Variants in MUC3A observed in about 807,000 individuals in gnomAD.
MUC3A encodes the protein mucin-3A.
In MUC3A, 109 loss-of-function variants were observed where a neutral mutation model predicts 109.0. That is an observed-to-expected ratio of 1.00 (90% CI 0.86 to 1.17). The LOEUF (loss-of-function observed/expected upper bound fraction) is 1.17, where lower values mean the gene tolerates loss of function less well. Ranked by LOEUF, MUC3A falls within the 50% of genes most tolerant of loss-of-function variation. The pLI is 0.00. For missense variants in MUC3A, 3,537 were observed against 2,469.4 expected (o/e 1.43, Z -9.16); for synonymous variants, 1,398 against 981.4 (o/e 1.42, Z -7.93).
chr7:100,952,111 A>G lies in MUC3A; in HGVS notation c.332A>G (p.Lys111Arg), dbSNP rs1164291843. 3.8e-6 allele frequency: 6 copies of G among 1,598,626 alleles called. No individual in the cohort carries two copies. Among genetic ancestry groups the G allele is most frequent in the Non-Finnish European group, 5.1e-6 (6 of 1,179,822 alleles). Reference sequence around the variant, plus strand: ...ACCCCGACGTCCAAGTTTGCCTTCAAGGTTGAAACCACTCCACCCACCGTG... The same window carrying G: ...ACCCCGACGTCCAAGTTTGCCTTCAGGGTTGAAACCACTCCACCCACCGTG... ...STTPTSKFAFKVETTPPTVLV... is the reference protein window; with the variant it reads ...STTPTSKFAFRVETTPPTVLV... The change falls in exon 2 of 12, where the codon AAG becomes AGG. Residue 111 changes from lysine (K) to arginine (R), a missense_variant. Coordinates refer to ENST00000379458, the MANE Select transcript of MUC3A (RefSeq NM_005960.2).
At chr7:100,964,089 G>T (rs1792438161) in intron 5 of MUC3A, 3 of 487,914 alleles carry the variant, frequency 6.1e-6, no homozygotes, top group Non-Finnish European at 1.1e-5. Flanking sequence ...AAGAGAGAGA[G>T]GGAGAGAACG....
intron 3 of MUC3A, 124 bp from the exon 4 acceptor site, chr7:100,963,027 G>T (rs1173017601): frequency 4.7e-6 from 5 of 1,060,308 alleles, no homozygotes; most frequent in Non-Finnish European, 6.9e-6. Flanking sequence ...CTGCCTCTGG[G>T]CATCAGTCCT....
chr7:100,964,533 GA>G, intron 5 of MUC3A, 161 bp from the exon 6 acceptor site: 3 of 1,210,450 alleles, frequency 2.5e-6, no homozygotes, highest in Admixed American at 5.6e-5. Context: ...ACCAAGTCAG[GA>G]ATGCTGGCAG....
At position 100,959,650 on chromosome 7, in the gene MUC3A, T is replaced by C. The variant is rs766489756; in HGVS notation, c.7871T>C (p.Val2624Ala). The change falls in exon 2 of 12, where the codon GTG becomes GCG. Residue 2624 changes from valine to alanine, a missense_variant. By Grantham distance (64) the Val-to-Ala change is moderately conservative. Coordinates refer to ENST00000379458, the MANE Select transcript of MUC3A (RefSeq NM_005960.2). ...LTPSTALSTI[V>A]STSQVPIPST... ...CCATCAACAGCCTTGAGCACGATCG[T>C]GTCAACATCACAGGTTCCTATTCCT... 2.9e-5 allele frequency: 46 copies of C among 1,598,394 alleles called. No individual in the cohort carries two copies. The highest frequency in any genetic ancestry group is 3.6e-5 in the Non-Finnish European group (43 of 1,179,794).
In MUC3A at chr7:100,951,826, C is replaced by T. The variant is rs1262070533; in HGVS notation, c.62-15C>T. On this transcript the variant is annotated splice_polypyrimidine_tract_variant and intron_variant, in intron 1 of 11. Transcript: ENST00000379458. Reference sequence around the variant, plus strand: ...GGATTTACCAGTGGATTCCTCTGCTCTGCCGCCAATGCAGGAACTTTATCC... The same window carrying T: ...GGATTTACCAGTGGATTCCTCTGCTTTGCCGCCAATGCAGGAACTTTATCC... 1.3e-6 allele frequency: 2 copies of T among 1,594,116 alleles called. No individual in the cohort carries two copies. Among genetic ancestry groups the T allele is most frequent in the African/African-American group, 1.3e-5 (1 of 75,008 alleles).
chr7:100,953,080 T>C lies in MUC3A; in HGVS notation c.1301T>C (p.Met434Thr). The C allele has an allele frequency of 8.3e-7, 1 of 1,202,062 alleles. No individual in the cohort carries two copies. The highest frequency in any genetic ancestry group is 1.2e-6 in the Non-Finnish European group (1 of 822,592). The allele number at this position is 1,202,062 out of a possible 1,614,324, so 74.5% of individuals were successfully genotyped here. ...GGTACTATGGTGACTTCCACAACCA[T>C]GACCCCATCTTCTCTGAGTACAGAC... ...TSGTMVTSTTMTPSSLSTDIP... is the reference protein window; with the variant it reads ...TSGTMVTSTTTTPSSLSTDIP... Residue 434 changes from methionine (M) to threonine (T), a missense_variant, in exon 2 of 12, where the codon ATG becomes ACG. Physicochemically the swap from Met to Thr is moderately conservative, Grantham distance 81. Transcript: ENST00000379458.
Position 100,965,757 on chromosome 7 carries a change from G to T in MUC3A, c.9502G>T (p.Val3168Leu). 2 of 1,598,426 alleles carry T rather than the reference G, an allele frequency of 1.3e-6. No homozygotes were observed. The highest frequency in any genetic ancestry group is 1.7e-6 in the Non-Finnish European group (2 of 1,179,756). The change falls in exon 8 of 12, where the codon GTG becomes TTG. Residue 3168 changes from valine to leucine, a missense_variant. Transcript: ENST00000379458. Reference protein sequence around the residue: ...TGYEEFYFPLVEATRLRCVTK... With the variant: ...TGYEEFYFPLLEATRLRCVTK... Reference sequence around the variant, plus strand: ...CTATGAAGAGTTCTACTTCCCCTTGGTGGAGGCCACCCGGCTCCGCTGTGT... The same window carrying T: ...CTATGAAGAGTTCTACTTCCCCTTGTTGGAGGCCACCCGGCTCCGCTGTGT...
Position 100,959,058 on chromosome 7 carries a change from A to T in MUC3A, c.7279A>T (p.Thr2427Ser), listed in dbSNP as rs757708011. 6.3e-6 allele frequency: 10 copies of T among 1,578,628 alleles called. No homozygotes were observed. The highest frequency in any genetic ancestry group is 8.5e-6 in the Non-Finnish European group (10 of 1,170,758). The part of the protein sequence containing the change: ...ETTSHSTPGF[T>S]SSITTTETTS... ...TACCTCACACAGTACTCCTGGCTTC[A>T]CTTCTTCAATCACCACCACTGAGAC... Residue 2427 changes from threonine to serine, a missense_variant, in exon 2 of 12, where the codon ACT (threonine) becomes TCT (serine). By Grantham distance (58) the Thr-to-Ser change is moderately conservative. Transcript: ENST00000379458.
intron 10 of MUC3A, 45 bp from the exon 11 acceptor site, chr7:100,966,853 TC>T (rs774332260): frequency 6.3e-7 from 1 of 1,598,444 alleles, no homozygotes; most frequent in African/African-American, 1.3e-5. Context: ...CTCCCTTCCG[TC>T]CCCTCCCTCT....
chr7:100,966,048 CTTTGATGGGGTTGAGTCCT>C, intron 8 of MUC3A, 182 bp downstream of exon 8: 7 of 921,742 alleles, frequency 7.6e-6, no homozygotes, highest in South Asian at 2.1e-5. Context: ...AGCTCTGCTC[CTTTGATGGGGTTGAGTCCT>C]GTCCCCTAAT....
Position 100,955,689 on chromosome 7 carries a change from ATTTCCT to A in MUC3A, c.3911_3916del (p.Ile1304_Ser1306delinsThr). The A allele has an allele frequency of 2.4e-6, 1 of 425,068 alleles. No homozygotes were observed. Among genetic ancestry groups the A allele is most frequent in the South Asian group, 8.9e-5 (1 of 11,220 alleles). 26.3% of individuals were successfully genotyped at this position (425,068 alleles called of 1,614,324 possible). ...TGCAGGGACCACTCACACAGAGACT[ATTTCCT>A]CACTTCCAGCCAGCACCAATACAAT... On this transcript the variant is annotated inframe_deletion, in exon 2 of 12. Transcript: ENST00000379458.
Position 100,959,545 on chromosome 7 carries a change from G to A in MUC3A, c.7766G>A (p.Gly2589Glu), listed in dbSNP as rs761824690. 2.8e-5 allele frequency: 44 copies of A among 1,590,600 alleles called. No individual in the cohort carries two copies. Among genetic ancestry groups the A allele is most frequent in the Non-Finnish European group, 3.7e-5 (44 of 1,176,274 alleles). The change falls in exon 2 of 12, where the codon GGG (glycine) becomes GAG (glutamate). Residue 2589 changes from glycine to glutamate, a missense_variant. By Grantham distance (98) the Gly-to-Glu change is moderately conservative (BLOSUM62 -2). Transcript: ENST00000379458. Reference sequence around the variant, plus strand: ...CCTCCTGTACTGACGTCAGCCACTGGGACCCAAACATCTCCTGCACCTACT... The same window carrying A: ...CCTCCTGTACTGACGTCAGCCACTGAGACCCAAACATCTCCTGCACCTACT... ...QTPPVLTSAT[G>E]TQTSPAPTTV...
chr7:100,965,986 G>T, intron 8 of MUC3A, 120 bp downstream of exon 8: 1 of 1,430,830 alleles, frequency 7.0e-7, no homozygotes, highest in South Asian at 1.4e-5. Flanking sequence ...CTCGTCCCCA[G>T]AGTGCCGCTC....
At position 100,952,090 on chromosome 7, in the gene MUC3A, C is replaced by A. The variant is rs534454362; in HGVS notation, c.311C>A (p.Pro104Gln). The A allele has an allele frequency of 6.3e-7, 1 of 1,598,508 alleles. No homozygotes were observed. Among genetic ancestry groups the A allele is most frequent in the African/African-American group, 1.3e-5 (1 of 74,962 alleles). ...GTCAGTTCCAACACCTCAACCACCC[C>A]GACGTCCAAGTTTGCCTTCAAGGTT... ...SPVSSNTSTT[P>Q]TSKFAFKVET... The change falls in exon 2 of 12, where the codon CCG (proline) becomes CAG (glutamine). Residue 104 changes from proline (P) to glutamine (Q), a missense_variant. By Grantham distance (76) the Pro-to-Gln change is moderately conservative (BLOSUM62 -1). Transcript: ENST00000379458.
chr7:100,957,459 A>G lies in MUC3A; in HGVS notation c.5680A>G (p.Thr1894Ala). The change falls in exon 2 of 12, where the codon ACC becomes GCC. Residue 1894 changes from threonine (T) to alanine (A), a missense_variant. Physicochemically the swap from Thr to Ala is moderately conservative, Grantham distance 58. Coordinates refer to ENST00000379458, the MANE Select transcript of MUC3A (RefSeq NM_005960.2). ...TATVPTTNLV[T>A]TTTKITSHST... ...CACAGTTCCAACAACAAACTTGGTAACCACGACCACCAAGATCACCTCACA... is the reference window on the plus strand; with the variant it reads ...CACAGTTCCAACAACAAACTTGGTAGCCACGACCACCAAGATCACCTCACA... 1 of 1,410,436 alleles carries G rather than the reference A, an allele frequency of 7.1e-7. No individual in the cohort carries two copies. The highest frequency in any genetic ancestry group is 1.3e-5 in the South Asian group (1 of 76,280). 87.4% of individuals were successfully genotyped at this position (1,410,436 alleles called of 1,614,324 possible).
At position 100,962,231 on chromosome 7, in the gene MUC3A, CAAAAAAAAAAAAAAA is replaced by C. The variant is rs1171031869; in HGVS notation, c.9053-898_9053-884del. Among the ~76,000 whole-genome samples, 13 of 15,030 alleles carry C rather than the reference CAAAAAAAAAAAAAAA, an allele frequency of 8.6e-4. 2 individuals are homozygous for C. The South Asian group carries it at 0.086, about 99-fold the overall frequency. 9.9% of individuals were successfully genotyped at this position (15,030 alleles called of 152,430 possible). A position where few individuals can be genotyped will look rare whatever the true frequency, so the allele number is the denominator to read the frequency against. Reference sequence around the variant, plus strand: ...TGGGCGACAGAGCGAGACTCCGTCTCAAAAAAAAAAAAAAAAAAAAAAAAAAAAAAAAAAAACTTA... The same window carrying C: ...TGGGCGACAGAGCGAGACTCCGTCTCAAAAAAAAAAAAAAAAAAAAACTTA... On this transcript the variant is annotated intron_variant, in intron 3 of 11. Coordinates refer to ENST00000379458, the MANE Select transcript of MUC3A (RefSeq NM_005960.2).
rs1792689783 is a variant in MUC3A, at chr7:100,967,993, C to CCT, written c.*832_*833insTC. On this transcript the variant is annotated 3_prime_UTR_variant, in exon 12 of 12. Transcript: ENST00000379458. ...CTAAATACCCCAGCTGCTGTTCCCC[C>CCT]CATCACCCTGCTGCCCAATTCTTTA... The CCT allele has an allele frequency of 1.3e-5, 1 of 77,610 alleles. No individual in the cohort carries two copies. The highest frequency in any genetic ancestry group is 3.0e-5 in the Non-Finnish European group (1 of 33,206). 4.8% of individuals were successfully genotyped at this position (77,610 alleles called of 1,614,324 possible). A position where few individuals can be genotyped will look rare whatever the true frequency, so the allele number is the denominator to read the frequency against.
Position 100,963,306 on chromosome 7 carries a change from G to A in MUC3A, c.9168+40G>A, listed in dbSNP as rs1792404516. 5.4e-6 allele frequency: 6 copies of A among 1,119,730 alleles called. No homozygotes were observed. The African/African-American group carries it at 1.1e-4, about 20-fold the overall frequency. 69.4% of individuals were successfully genotyped at this position (1,119,730 alleles called of 1,614,324 possible). A position where few individuals can be genotyped will look rare whatever the true frequency, so the allele number is the denominator to read the frequency against. On this transcript the variant is annotated intron_variant, in intron 4 of 11. Coordinates refer to ENST00000379458, the MANE Select transcript of MUC3A (RefSeq NM_005960.2). ...GAGGGGATTTTTTTTTTTTTTTTGAGGTGTAGTCTCGCACTCTCACCCTGG... is the reference window on the plus strand; with the variant it reads ...GAGGGGATTTTTTTTTTTTTTTTGAAGTGTAGTCTCGCACTCTCACCCTGG...
intron 4 of MUC3A, 37 bp downstream of exon 4, chr7:100,963,303 T>TTTTTTTTTTTG (rs1554459579): frequency 7.2e-7 from 1 of 1,390,366 alleles, no homozygotes. Context: ...TTTTTTTTTT[T>TTTTTTTTTTTG]GAGGTGTAGT....
Sources: allele counts gnomAD v4.1 joint callset (sites outside exome capture counted in the v4.1 genomes callset), GRCh38; gene constraint gnomAD v4.1.1; transcripts MANE v1.5; gene names NCBI Gene and HGNC (gene_info 2026-07-23, HGNC 2026-07-21).